The following HAPLN2 variants were observed in gnomAD, a reference collection of about 807,000 sequenced individuals.
HAPLN2 encodes the protein brain link protein-1.
Under a neutral mutation model 29.3 loss-of-function variants are expected in HAPLN2, and 27 were observed. The ratio of observed to expected loss-of-function variants is 0.92; its 90% CI spans 0.68 to 1.27. The LOEUF (loss-of-function observed/expected upper bound fraction) is 1.27, where lower values mean the gene tolerates loss of function less well. HAPLN2 is among the 50% of genes most tolerant of loss of function. HAPLN2 has a pLI of 0.00. For missense variants in HAPLN2, 454 were observed against 484.3 expected (o/e 0.94, Z 0.59); for synonymous variants, 208 against 211.7 (o/e 0.98, Z 0.15).
the HAPLN2 span, among the ~76,000 whole-genome samples, chr1:156,605,064 G>A: frequency 6.6e-6 from 1 of 151,766 alleles, no homozygotes; most frequent in Non-Finnish European, 1.5e-5. Flanking sequence ...TCAGGAGTTC[G>A]AGACCAGCCT....
At chr1:156,609,128 C>T in the HAPLN2 span, among the ~76,000 whole-genome samples, 1 of 152,294 alleles carries the variant, frequency 6.6e-6, no homozygotes, top group Admixed American at 6.5e-5. Flanking sequence ...GCTTTGAGGG[C>T]TCTGCTGTAG....
Position 156,623,819 on chromosome 1 carries a change from G to T in HAPLN2, c.98G>T (p.Gly33Val), listed in dbSNP as rs755651046. The T allele has an allele frequency of 6.6e-7, 1 of 1,520,350 alleles. No homozygotes were observed. Among genetic ancestry groups the T allele is most frequent in the South Asian group, 1.3e-5 (1 of 75,406 alleles). 94.2% of individuals were successfully genotyped at this position (1,520,350 alleles called of 1,614,324 possible). A position where few individuals can be genotyped will look rare whatever the true frequency, so the allele number is the denominator to read the frequency against. ...KAQGDPASHP[G>V]PHYLLPPIHE... Reference sequence around the variant, plus strand: ...CCCCTCTGCCCAGCATCCCACCCGGGCCCCCACTACCTCCTGCCCCCCATC... The same window carrying T: ...CCCCTCTGCCCAGCATCCCACCCGGTCCCCCACTACCTCCTGCCCCCCATC... The change falls in exon 4 of 7, where the codon GGC becomes GTC. Residue 33 changes from glycine to valine, a missense_variant. Physicochemically the swap from Gly to Val is moderately radical, Grantham distance 109. This residue lies in a region of HAPLN2 where 204 missense variants were observed against 209.2 expected (regional missense o/e 0.98). Transcript: ENST00000255039.
the HAPLN2 span, among the ~76,000 whole-genome samples, chr1:156,613,498 G>C: frequency 6.6e-6 from 1 of 152,214 alleles, no homozygotes; most frequent in Non-Finnish European, 1.5e-5. Flanking sequence ...CTGCAGGTTA[G>C]CCTTTACCCA....
At chr1:156,608,239 A>G in the HAPLN2 span, among the ~76,000 whole-genome samples, 4 of 152,230 alleles carry the variant, frequency 2.6e-5, no homozygotes, top group Non-Finnish European at 5.9e-5. Context: ...TCTCAGCACT[A>G]TCACTGCTGC....
upstream of HAPLN2, among the ~76,000 whole-genome samples, chr1:156,617,740 A>G (rs1349591423): frequency 1.3e-5 from 2 of 151,850 alleles, no homozygotes. Context: ...CAGAGAGAAA[A>G]TAAGGCTAAA....
At chr1:156,623,037 A>AAAAT (rs56280786) in intron 2 of HAPLN2, among the ~76,000 whole-genome samples, 20,682 of 111,242 alleles carry the variant, frequency 0.19, 2,803 homozygotes, top group African/African-American at 0.21. Flanking sequence ...CTGTCTCAAA[A>AAAAT]AAATAAATAA....
chr1:156,610,364 G>A, the HAPLN2 span, among the ~76,000 whole-genome samples: 2 of 152,136 alleles, frequency 1.3e-5, no homozygotes, highest in Admixed American at 6.6e-5. Flanking sequence ...GAGGCCAGGC[G>A]CGGTGGCTTA....
Position 156,624,662 on chromosome 1 carries a change from C to T in HAPLN2, c.618C>T (p.Tyr206=). ...AGWLLEGSVR[Y]PVLTARAPCG... is the part of the protein sequence containing the mutation. ...GGCTGCTCGAGGGCTCCGTGCGCTA[C>T]CCTGTGCTCACCGCACGCGCCCCGT... Residue 206 remains tyrosine, a synonymous_variant, in exon 6 of 7, where the codon TAC becomes TAT. Transcript: ENST00000255039. The T allele has an allele frequency of 6.2e-7, 1 of 1,610,150 alleles. No individual in the cohort carries two copies. Among genetic ancestry groups the T allele is most frequent in the Non-Finnish European group, 8.5e-7 (1 of 1,179,170 alleles).
upstream of HAPLN2, among the ~76,000 whole-genome samples, chr1:156,616,749 C>G (rs1294762764): frequency 6.6e-6 from 1 of 152,004 alleles, no homozygotes; most frequent in Non-Finnish European, 1.5e-5. Context: ...CGCTTAAGAA[C>G]AGGGATGGAG....
Position 156,624,481 on chromosome 1 carries a change from C to G in HAPLN2, c.556+14C>G. The stretch of plus-strand genomic sequence containing the variant: ...AGCTCTACCAGGGTGAGCGGCCGAA[C>G]CCAGCACTTCCCAAGCCCCGCGGAG... On this transcript the variant is annotated intron_variant, in intron 5 of 6. Coordinates refer to ENST00000255039, the MANE Select transcript of HAPLN2 (RefSeq NM_021817.3). 1.2e-6 allele frequency: 2 copies of G among 1,610,640 alleles called. No individual in the cohort carries two copies. Among genetic ancestry groups the G allele is most frequent in the Non-Finnish European group, 1.7e-6 (2 of 1,177,950 alleles).
the HAPLN2 span, among the ~76,000 whole-genome samples, chr1:156,613,656 C>G: frequency 3.3e-5 from 5 of 152,122 alleles, no homozygotes; most frequent in Admixed American, 3.3e-4. Context: ...TGGCTCATGT[C>G]TGTAATCCCA....
intron 6 of HAPLN2, 90 bp downstream of exon 6, chr1:156,624,873 G>T: frequency 7.2e-7 from 1 of 1,381,684 alleles, no homozygotes; most frequent in Non-Finnish European, 9.5e-7. Context: ...TCAGGGCAGG[G>T]TCTCCGGGTC....
chr1:156,607,019 A>G, the HAPLN2 span, among the ~76,000 whole-genome samples: 11 of 152,054 alleles, frequency 7.2e-5, no homozygotes, highest in Non-Finnish European at 1.5e-4. Context: ...CTGTATTGAG[A>G]GTTGAGCCCA....
the HAPLN2 span, among the ~76,000 whole-genome samples, chr1:156,610,425 G>A: frequency 2.0e-5 from 3 of 151,952 alleles, no homozygotes; most frequent in Non-Finnish European, 2.9e-5. Context: ...ATCACCTGAG[G>A]CCAGGAGTTC....
Position 156,625,105 on chromosome 1 carries a change from A to G in HAPLN2, c.744A>G (p.Gln248=), listed in dbSNP as rs1678403458. Residue 248 remains glutamine, a synonymous_variant, in exon 7 of 7, where the codon CAA becomes CAG. Transcript: ENST00000255039. This position sits in a 1 kb window ranked among gnomAD's most constrained non-coding sequence, Gnocchi z 5.7. ...AFCFTSALAG[Q]VFFVPGRLTL... ...GTGACCCGCTGTGGTCCCCAGGCCA[A>G]GTGTTCTTCGTGCCCGGGCGGCTGA... 5.9e-6 allele frequency: 9 copies of G among 1,537,848 alleles called. No homozygotes were observed. Among genetic ancestry groups the G allele is most frequent in the Non-Finnish European group, 7.0e-6 (8 of 1,146,516 alleles).
the HAPLN2 span, among the ~76,000 whole-genome samples, chr1:156,609,640 T>G: frequency 1.3e-5 from 2 of 152,222 alleles, no homozygotes; most frequent in East Asian, 3.8e-4. Context: ...GTTTTCTTTT[T>G]CCAGATAACT....
the HAPLN2 span, among the ~76,000 whole-genome samples, chr1:156,611,578 C>CA: frequency 2.6e-5 from 4 of 151,462 alleles, no homozygotes; most frequent in East Asian, 1.9e-4. Context: ...AAACAAAAAA[C>CA]AAAAAAACAA....
the HAPLN2 span, among the ~76,000 whole-genome samples, chr1:156,607,060 A>G: frequency 2.6e-5 from 4 of 152,052 alleles, no homozygotes; most frequent in Non-Finnish European, 5.9e-5. Context: ...GCAAAATCCC[A>G]TTGTCATGGT....
chr1:156,621,658 A>C lies in HAPLN2; in HGVS notation c.-25+1500A>C, dbSNP rs536563929. 2.0e-5 allele frequency among the ~76,000 whole-genome samples: 3 copies of C among 148,400 alleles called. No individual in the cohort carries two copies. In the South Asian group the frequency reaches 6.5e-4, roughly 32 times the overall value. On this transcript the variant is annotated intron_variant, in intron 2 of 6. Transcript: ENST00000255039. Reference sequence around the variant, plus strand: ...AGAATCGCTTGAACCCGGGAGGTGGAGGTTGCAGTGAGCTGAGATGGTGCC... The same window carrying C: ...AGAATCGCTTGAACCCGGGAGGTGGCGGTTGCAGTGAGCTGAGATGGTGCC...
Sources: allele counts gnomAD v4.1 joint callset (sites outside exome capture counted in the v4.1 genomes callset), GRCh38; gene constraint gnomAD v4.1.1; regional missense constraint gnomAD v4.1.1; non-coding constraint Gnocchi (gnomAD v3.1); transcripts MANE v1.5; gene names NCBI Gene and HGNC (gene_info 2026-07-23, HGNC 2026-07-21).